Variants in CDK8 observed in about 807,000 individuals in gnomAD.
The protein encoded by CDK8 is cyclin dependent kinase 8, also known as cyclin-dependent kinase 8.
In CDK8, 29 loss-of-function variants were observed where a neutral mutation model predicts 71.5. The ratio of observed to expected loss-of-function variants is 0.41; its 90% CI spans 0.30 to 0.55. The LOEUF (loss-of-function observed/expected upper bound fraction) is 0.55, where lower values mean the gene tolerates loss of function less well. Ranked by LOEUF, CDK8 falls within the 20% of genes least tolerant of loss-of-function variation. CDK8 has a pLI of 0.37. For synonymous variants in CDK8, 161 were observed against 192.1 expected (o/e 0.84, Z 1.34); for missense variants, 288 against 572.6 (o/e 0.50, Z 5.07).
intron 2 of CDK8, among the ~76,000 whole-genome samples, 165 bp downstream of exon 2, chr13:26,337,807 G>A (rs1238093025): frequency 2.0e-5 from 3 of 152,058 alleles, no homozygotes; most frequent in Non-Finnish European, 4.4e-5. Context: ...AAGGGGTCAT[G>A]TAGTTCTGTC....
intron 1 of CDK8, among the ~76,000 whole-genome samples, chr13:26,306,476 TCA>T (rs569031707): frequency 5.5e-4 from 84 of 152,268 alleles, no homozygotes; most frequent in South Asian, 2.1e-3. Flanking sequence ...TTCTACTTTT[TCA>T]TTTATTTAAA....
intron 2 of CDK8, among the ~76,000 whole-genome samples, chr13:26,341,759 T>G (rs2137980367): frequency 6.6e-6 from 1 of 152,322 alleles, no homozygotes; most frequent in South Asian, 2.1e-4. Flanking sequence ...AATGTGATAC[T>G]GTATGTAACA....
At chr13:26,320,805 C>T (rs747015936) in intron 1 of CDK8, among the ~76,000 whole-genome samples, 16 of 152,026 alleles carry the variant, frequency 1.1e-4, no homozygotes, top group Non-Finnish European at 2.1e-4. Context: ...AAATACAAAT[C>T]AAAACTACAG....
chr13:26,369,874 T>C (rs1221833582), intron 4 of CDK8, among the ~76,000 whole-genome samples: 1 of 152,106 alleles, frequency 6.6e-6, no homozygotes, highest in African/African-American at 2.4e-5. Context: ...GATTTTTGAC[T>C]ATCATTTCAA....
At chr13:26,363,456 A>G (rs1463073916) in intron 4 of CDK8, among the ~76,000 whole-genome samples, 4 of 151,796 alleles carry the variant, frequency 2.6e-5, no homozygotes, top group Non-Finnish European at 4.4e-5. Context: ...AAATCTCTAG[A>G]TTTGGGGAGT....
chr13:26,366,800 T>G (rs1345789763), intron 4 of CDK8, among the ~76,000 whole-genome samples: 1 of 152,174 alleles, frequency 6.6e-6, no homozygotes, highest in Non-Finnish European at 1.5e-5. Context: ...GAAGATAGAT[T>G]GCTAATTTTT....
At chr13:26,255,256 G>GCT (rs1871470609) in intron 1 of CDK8, among the ~76,000 whole-genome samples, 1 of 152,172 alleles carries the variant, frequency 6.6e-6, no homozygotes, top group Admixed American at 6.5e-5. Context: ...GGAAAGGAAG[G>GCT]CAGCGAGTGA....
Position 26,254,581 on chromosome 13 carries a change from C to CG in CDK8, c.-59dup. On this transcript the variant is annotated 5_prime_UTR_variant, in exon 1 of 13. Coordinates refer to ENST00000381527, the MANE Select transcript of CDK8 (RefSeq NM_001260.3). The surrounding 1 kb of genome is among the most constrained non-coding windows in gnomAD (Gnocchi z 6.7). ...GGGGCTGCGGCTGCCCGTGCTTCCC[C>CG]GGTCCCCACCCCTGCCCCCCGGCCC... 6.4e-6 allele frequency: 9 copies of CG among 1,402,516 alleles called. No individual in the cohort carries two copies. Among genetic ancestry groups the CG allele is most frequent in the South Asian group, 1.3e-5 (1 of 75,696 alleles). The allele number at this position is 1,402,516 out of a possible 1,614,324, so 86.9% of individuals were successfully genotyped here. A position where few individuals can be genotyped will look rare whatever the true frequency, so the allele number is the denominator to read the frequency against.
intron 1 of CDK8, among the ~76,000 whole-genome samples, chr13:26,330,316 C>A (rs1175716): frequency 0.39 from 58,682 of 151,958 alleles, 11,479 homozygotes; most frequent in East Asian, 0.54. Flanking sequence ...AGTGATCCTC[C>A]TGCTTCGGCC....
chr13:26,275,122 G>A (rs377508631), intron 1 of CDK8, among the ~76,000 whole-genome samples: 1 of 152,190 alleles, frequency 6.6e-6, no homozygotes, highest in East Asian at 1.9e-4. Context: ...TGGACTTTCT[G>A]TGTTAGTCCA....
At chr13:26,329,483 G>GTTTTTTTTTTTT (rs543441898) in intron 1 of CDK8, among the ~76,000 whole-genome samples, 6 of 128,482 alleles carry the variant, frequency 4.7e-5, no homozygotes, top group African/African-American at 9.2e-5. Flanking sequence ...TTTTTTTTTT[G>GTTTTTTTTTTTT]TTTTTTTTTT....
chr13:26,302,629 C>T (rs930504926), intron 1 of CDK8, among the ~76,000 whole-genome samples: 3 of 151,928 alleles, frequency 2.0e-5, no homozygotes, highest in Non-Finnish European at 2.9e-5. Context: ...CCCTCTGGCT[C>T]GAATGGAGAG....
chr13:26,300,642 A>G (rs1311385117), intron 1 of CDK8, among the ~76,000 whole-genome samples: 1 of 152,158 alleles, frequency 6.6e-6, no homozygotes, highest in African/African-American at 2.4e-5. Context: ...CAGACCAACA[A>G]AAGGTCGTCC....
At chr13:26,329,706 G>C (rs1190549548) in intron 1 of CDK8, among the ~76,000 whole-genome samples, 2 of 151,950 alleles carry the variant, frequency 1.3e-5, no homozygotes, top group African/African-American at 4.8e-5. Context: ...GTTTTGCCAC[G>C]TTGGGCAGGC....
chr13:26,368,134 C>A (rs1425121235), intron 4 of CDK8, among the ~76,000 whole-genome samples: 1 of 152,156 alleles, frequency 6.6e-6, no homozygotes, highest in East Asian at 1.9e-4. Context: ...GTTTACCCTA[C>A]CCCTAGCTAG....
At chr13:26,327,162 C>T (rs1393376524) in intron 1 of CDK8, among the ~76,000 whole-genome samples, 1 of 152,046 alleles carries the variant, frequency 6.6e-6, no homozygotes, top group Non-Finnish European at 1.5e-5. Context: ...AGTACATAAC[C>T]ATTGAGGATA....
At chr13:26,272,879 C>G (rs1872395742) in intron 1 of CDK8, among the ~76,000 whole-genome samples, 1 of 152,114 alleles carries the variant, frequency 6.6e-6, no homozygotes, top group Non-Finnish European at 1.5e-5. Flanking sequence ...CTGTTGTCTT[C>G]AAGTGAAACA....
intron 1 of CDK8, among the ~76,000 whole-genome samples, chr13:26,288,615 C>T (rs2137897120): frequency 6.6e-6 from 1 of 150,832 alleles, no homozygotes; most frequent in Middle Eastern, 3.4e-3. Flanking sequence ...CACATAAACA[C>T]ACTACTAGGA....
chr13:26,274,149 C>G (rs1872460231), intron 1 of CDK8, among the ~76,000 whole-genome samples: 1 of 152,052 alleles, frequency 6.6e-6, no homozygotes, highest in Non-Finnish European at 1.5e-5. Context: ...TTGCTGGATC[C>G]ATTTTTAAGG....
Sources: allele counts gnomAD v4.1 joint callset (sites outside exome capture counted in the v4.1 genomes callset), GRCh38; gene constraint gnomAD v4.1.1; non-coding constraint Gnocchi (gnomAD v3.1); transcripts MANE v1.5; gene names NCBI Gene and HGNC (gene_info 2026-07-23, HGNC 2026-07-21).